Variants in WDFY3 observed in about 807,000 individuals in gnomAD.
WDFY3 encodes the protein WD repeat and FYVE domain containing 3.
A neutral mutation model predicts 409.6 loss-of-function variants in WDFY3; 66 were observed. That is an observed-to-expected ratio of 0.16 (90% CI 0.13 to 0.20). The LOEUF (loss-of-function observed/expected upper bound fraction) is 0.20, where lower values mean the gene tolerates loss of function less well. WDFY3 is among the 10% of genes least tolerant of loss of function. The probability of loss-of-function intolerance (pLI) is 1.00; values close to 1 mark genes in which losing one functional copy is unlikely to be tolerated. For missense variants in WDFY3, 3,031 were observed against 4,298.1 expected (o/e 0.71, Z 8.24); for synonymous variants, 1,521 against 1,537.1 (o/e 0.99, Z 0.25).
At chr4:84,789,957 T>C (rs1320774875) in intron 21 of WDFY3, 50 bp from the exon 22 acceptor site, 3 of 1,564,790 alleles carry the variant, frequency 1.9e-6, no homozygotes, top group South Asian at 2.3e-5. Context: ...ACCATCCCTA[T>C]TCAAATTATT....
chr4:84,933,261 G>T (rs1770994402), intron 1 of WDFY3, among the ~76,000 whole-genome samples: 1 of 151,926 alleles, frequency 6.6e-6, no homozygotes. Flanking sequence ...AGGCAATATT[G>T]CCTTCAATAG....
chr4:84,956,079 A>C (rs1370705420), intron 1 of WDFY3, among the ~76,000 whole-genome samples: 1 of 152,170 alleles, frequency 6.6e-6, no homozygotes. Context: ...CCTCAGGCTA[A>C]TATTAAATAA....
intron 10 of WDFY3, among the ~76,000 whole-genome samples, chr4:84,822,161 A>AC (rs1282251064): frequency 6.6e-6 from 1 of 152,160 alleles, no homozygotes; most frequent in Non-Finnish European, 1.5e-5. Flanking sequence ...GGAAAAAAAA[A>AC]CTTTATACAT....
At chr4:84,795,262 A>G (rs1035230894) in intron 19 of WDFY3, among the ~76,000 whole-genome samples, 1 of 152,194 alleles carries the variant, frequency 6.6e-6, no homozygotes, top group Admixed American at 6.5e-5. Context: ...AAACCCAATC[A>G]AGACATTAGA....
At chr4:84,761,645 C>CA (rs1479659497) in intron 32 of WDFY3, among the ~76,000 whole-genome samples, 1 of 152,048 alleles carries the variant, frequency 6.6e-6, no homozygotes, top group Admixed American at 6.6e-5. Context: ...TTCTGCACAG[C>CA]AAAGGAAACT....
At chr4:84,693,723 C>T (rs1032490960) in intron 58 of WDFY3, among the ~76,000 whole-genome samples, 11 of 151,900 alleles carry the variant, frequency 7.2e-5, no homozygotes, top group African/African-American at 1.2e-4. Flanking sequence ...TGGCGAAACC[C>T]GTCTCTACTA....
At chr4:84,931,090 A>G (rs1016313834) in intron 2 of WDFY3, among the ~76,000 whole-genome samples, 3 of 152,218 alleles carry the variant, frequency 2.0e-5, no homozygotes, top group Non-Finnish European at 4.4e-5. Context: ...TAGAAAAAAC[A>G]TAGTATACAT....
chr4:84,948,694 T>C (rs778168542), intron 1 of WDFY3, among the ~76,000 whole-genome samples: 2 of 152,188 alleles, frequency 1.3e-5, no homozygotes, highest in Non-Finnish European at 2.9e-5. Flanking sequence ...CCTTCTGCTG[T>C]CCTTTTCCTG....
chr4:84,770,501 G>A (rs1398909434), intron 30 of WDFY3, among the ~76,000 whole-genome samples: 1 of 152,206 alleles, frequency 6.6e-6, no homozygotes, highest in Non-Finnish European at 1.5e-5. Context: ...TATTTCTGAG[G>A]TATTCCTATA....
chr4:84,959,688 A>G (rs937722659), intron 1 of WDFY3, among the ~76,000 whole-genome samples: 3 of 152,206 alleles, frequency 2.0e-5, no homozygotes, highest in Non-Finnish European at 2.9e-5. Flanking sequence ...ATTATGAGTT[A>G]CATTTGGGCC....
At chr4:84,831,123 G>A (rs1755650267) in intron 8 of WDFY3, among the ~76,000 whole-genome samples, 3 of 147,564 alleles carry the variant, frequency 2.0e-5, no homozygotes, top group South Asian at 2.1e-4. Context: ...GAGGATGGAG[G>A]TTGCAGTGAG....
At chr4:84,732,736 C>T (rs1437187036) in intron 44 of WDFY3, among the ~76,000 whole-genome samples, 1 of 152,066 alleles carries the variant, frequency 6.6e-6, no homozygotes, top group Non-Finnish European at 1.5e-5. Context: ...GAATACTATT[C>T]CATTATGTAT....
chr4:84,939,317 G>T (rs1334811378), intron 1 of WDFY3, among the ~76,000 whole-genome samples: 7 of 152,170 alleles, frequency 4.6e-5, no homozygotes, highest in African/African-American at 1.4e-4. Flanking sequence ...CCTATCTGGA[G>T]TCACATGGTG....
intron 14 of WDFY3, chr4:84,808,945 C>T (rs1488812974): frequency 1.3e-5 from 2 of 152,122 alleles, no homozygotes; most frequent in Non-Finnish European, 2.9e-5. Flanking sequence ...CAGGAAATAT[C>T]TCAGTTGATA....
chr4:84,685,638 T>G (rs1042544561), intron 62 of WDFY3, among the ~76,000 whole-genome samples: 1 of 152,150 alleles, frequency 6.6e-6, no homozygotes, highest in African/African-American at 2.4e-5. Flanking sequence ...GGCAGAGACA[T>G]AAGAAGAATT....
At chr4:84,805,842 ACTT>A (rs1434175575) in intron 15 of WDFY3, among the ~76,000 whole-genome samples, 1 of 152,164 alleles carries the variant, frequency 6.6e-6, no homozygotes, top group African/African-American at 2.4e-5. Flanking sequence ...TTTTGTATTC[ACTT>A]CTTCTAACTC....
chr4:84,937,025 C>G (rs1771505839), intron 1 of WDFY3, among the ~76,000 whole-genome samples: 1 of 152,164 alleles, frequency 6.6e-6, no homozygotes, highest in South Asian at 2.1e-4. Context: ...AACAAAACCT[C>G]TCGACTCCTT....
chr4:84,817,660 A>T, intron 12 of WDFY3, 75 bp from the exon 13 acceptor site: 3 of 1,338,770 alleles, frequency 2.2e-6, no homozygotes, highest in Non-Finnish European at 3.1e-6. Flanking sequence ...ATTAACATTC[A>T]GTTATTTTTT....
rs748276750 is a variant in WDFY3 at position 84,820,101 on chromosome 4, T to C, written c.1677A>G (p.Gly559=). 1 of 1,602,262 alleles carries C rather than the reference T, an allele frequency of 6.2e-7. No individual in the cohort carries two copies. Among genetic ancestry groups the C allele is most frequent in the East Asian group, 2.3e-5 (1 of 44,408 alleles). Residue 559 remains glycine (G), a synonymous_variant, in exon 12 of 68, where the codon GGA becomes GGG. Coordinates refer to ENST00000295888, the MANE Select transcript of WDFY3 (RefSeq NM_014991.6). The stretch of plus-strand genomic sequence containing the variant: ...TTAAATTACCTGCATTTGTGTTTGA[T>C]CCTTGAAGAAGCACTGTCAAGGTCT... ...VMETLTVLLQ[G]SNTNAGIFRE...
Sources: allele counts gnomAD v4.1 joint callset (sites outside exome capture counted in the v4.1 genomes callset), GRCh38; gene constraint gnomAD v4.1.1; transcripts MANE v1.5; gene names NCBI Gene and HGNC (gene_info 2026-07-23, HGNC 2026-07-21).